CSMD3: variants seen among roughly 807,000 people sequenced by gnomAD.
CSMD3 encodes the protein CUB and sushi domain-containing protein 3.
CSMD3 carries 177 observed loss-of-function variants against 435.2 expected under a neutral mutation model. That is an observed-to-expected ratio of 0.41 (90% CI 0.36 to 0.46). The LOEUF is 0.46. Among genes scored for constraint, CSMD3 ranks in the 20% least tolerant of loss-of-function variants. The probability of loss-of-function intolerance (pLI) is 0.34; values close to 1 mark genes in which losing one functional copy is unlikely to be tolerated. For missense variants in CSMD3, 4,265 were observed against 4,504.6 expected (o/e 0.95, Z 1.52); for synonymous variants, 1,656 against 1,520.5 (o/e 1.09, Z -2.07).
chr8:113,275,360 A>C (rs1211068649), intron 3 of CSMD3, among the ~76,000 whole-genome samples: 1 of 152,114 alleles, frequency 6.6e-6, no homozygotes, highest in Non-Finnish European at 1.5e-5. Flanking sequence ...AGAGAAAGAT[A>C]GAATTTACAA....
intron 32 of CSMD3, among the ~76,000 whole-genome samples, chr8:112,465,239 G>A (rs922917252): frequency 1.3e-5 from 2 of 152,102 alleles, no homozygotes; most frequent in African/African-American, 2.4e-5. Flanking sequence ...TCATTCTGTC[G>A]TCTCACATAT....
chr8:112,531,680 T>C (rs549363613), intron 27 of CSMD3, among the ~76,000 whole-genome samples: 1 of 152,240 alleles, frequency 6.6e-6, no homozygotes, highest in East Asian at 1.9e-4. Context: ...ACAGCTGCAG[T>C]GACTACAAGC....
chr8:112,800,347 T>C, intron 12 of CSMD3, 73 bp from the exon 13 acceptor site: 2 of 990,386 alleles, frequency 2.0e-6, no homozygotes, highest in South Asian at 1.3e-5. Context: ...ATAAGACAGA[T>C]GTGTTTCTCA....
intron 28 of CSMD3, among the ~76,000 whole-genome samples, chr8:112,507,878 C>G (rs756438282): frequency 6.6e-6 from 1 of 152,060 alleles, no homozygotes; most frequent in Non-Finnish European, 1.5e-5. Flanking sequence ...AGAAAATTGT[C>G]TCAGCTCTTA....
chr8:113,188,686 A>C (rs1239030025), intron 3 of CSMD3, among the ~76,000 whole-genome samples: 1 of 151,998 alleles, frequency 6.6e-6, no homozygotes, highest in Non-Finnish European at 1.5e-5. Context: ...GCCTTGTTGC[A>C]GCTGACCTTA....
At position 112,234,470 on chromosome 8, in the gene CSMD3, A is replaced by G; in HGVS notation, c.10635T>C (p.Tyr3545=). The change falls in exon 68 of 71, where the codon TAT becomes TAC. Residue 3545 remains tyrosine, a synonymous_variant. Transcript: ENST00000297405. ...SNMELLLSGV[Y]KSQEARLMLR... ...ACATTAGGCGAGCTTCCTGGCTTTT[A>G]TATACCCCTGTAAAATGCAAGGACA... 1 of 1,586,806 alleles carries G rather than the reference A, an allele frequency of 6.3e-7. No individual in the cohort carries two copies. The highest frequency in any genetic ancestry group is 8.7e-7 in the Non-Finnish European group (1 of 1,155,482).
chr8:112,902,021 T>C (rs1045384349), intron 10 of CSMD3, among the ~76,000 whole-genome samples: 2 of 151,334 alleles, frequency 1.3e-5, no homozygotes, highest in African/African-American at 4.8e-5. Context: ...GCCCATATAA[T>C]GTCAAAGAAA....
At chr8:112,472,324 A>G (rs1818599515) in intron 32 of CSMD3, among the ~76,000 whole-genome samples, 1 of 152,124 alleles carries the variant, frequency 6.6e-6, no homozygotes, top group African/African-American at 2.4e-5. Flanking sequence ...GGCACTTGCA[A>G]GGTTACTGAT....
intron 16 of CSMD3, among the ~76,000 whole-genome samples, chr8:112,680,811 G>A (rs1672391024): frequency 6.6e-6 from 1 of 152,016 alleles, no homozygotes; most frequent in Admixed American, 6.6e-5. Flanking sequence ...TCAATATATA[G>A]GTAATGCTTC....
At chr8:112,453,487 A>C (rs1039520889) in intron 32 of CSMD3, among the ~76,000 whole-genome samples, 1 of 152,170 alleles carries the variant, frequency 6.6e-6, no homozygotes, top group Non-Finnish European at 1.5e-5. Context: ...GCTGAGAGCC[A>C]AATCAAGAAT....
chr8:112,510,127 C>A (rs1267872433), intron 28 of CSMD3, among the ~76,000 whole-genome samples: 1 of 152,134 alleles, frequency 6.6e-6, no homozygotes, highest in Non-Finnish European at 1.5e-5. Flanking sequence ...CTATTTTCAA[C>A]CGGTCCTTCT....
In CSMD3 at chr8:112,384,936, G is replaced by T. The variant is rs1456207642; in HGVS notation, c.5935-1273C>A. On this transcript the variant is annotated intron_variant, in intron 36 of 70. Coordinates refer to ENST00000297405, the MANE Select transcript of CSMD3 (RefSeq NM_198123.2). ...TTTAAAAAATGTGAAGATTCACGCA[G>T]GAGTTGACATTTGGGCTAAGCTGAA... is the stretch of plus-strand genomic sequence containing the variant. Among the ~76,000 whole-genome samples, 3 of 152,174 alleles carry T rather than the reference G, an allele frequency of 2.0e-5. No individual in the cohort carries two copies. In the East Asian group the frequency reaches 5.8e-4, roughly 29 times the overall value.
intron 23 of CSMD3, among the ~76,000 whole-genome samples, chr8:112,576,525 T>C (rs998637739): frequency 5.3e-5 from 8 of 152,014 alleles, no homozygotes; most frequent in Admixed American, 2.6e-4. Context: ...TTTTTCCTTT[T>C]GTTTTCTTTT....
At chr8:113,225,340 G>A (rs1169848180) in intron 3 of CSMD3, among the ~76,000 whole-genome samples, 1 of 151,406 alleles carries the variant, frequency 6.6e-6, no homozygotes, top group Non-Finnish European at 1.5e-5. Flanking sequence ...TTGTCCACTA[G>A]TGTTACCTTT....
At chr8:113,167,558 T>C (rs1301745918) in intron 4 of CSMD3, among the ~76,000 whole-genome samples, 1 of 152,196 alleles carries the variant, frequency 6.6e-6, no homozygotes, top group East Asian at 1.9e-4. Flanking sequence ...AACACAAATG[T>C]ACTTTTCAAA....
chr8:112,277,012 C>T (rs560516785), intron 59 of CSMD3, among the ~76,000 whole-genome samples: 66 of 152,210 alleles, frequency 4.3e-4, no homozygotes, highest in African/African-American at 1.5e-3. Flanking sequence ...ATGGGAGGAG[C>T]TGCCACAGAC....
In CSMD3 at chr8:112,782,461, G is replaced by A. The variant is rs1015268053; in HGVS notation, c.1972+17701C>T. ...AAAGATCTACAAAATAGCCTCAAATGGGAAAATCTAAGAGTTATTGCCTTT... is the reference window on the plus strand; with the variant it reads ...AAAGATCTACAAAATAGCCTCAAATAGGAAAATCTAAGAGTTATTGCCTTT... On this transcript the variant is annotated intron_variant, in intron 13 of 70. Transcript: ENST00000297405. 2.0e-5 allele frequency among the ~76,000 whole-genome samples: 3 copies of A among 152,094 alleles called. No homozygotes were observed. The South Asian group carries it at 6.2e-4, about 32-fold the overall frequency.
At chr8:113,436,597 A>G in intron 1 of CSMD3, 80 bp downstream of exon 1, 1 of 1,300,100 alleles carries the variant, frequency 7.7e-7, no homozygotes, top group Non-Finnish European at 1.1e-6. Context: ...GCAAATTGCA[A>G]AGTAAGCTGC....
chr8:112,697,559 A>T (rs2076286335), intron 13 of CSMD3, among the ~76,000 whole-genome samples: 1 of 140,178 alleles, frequency 7.1e-6, no homozygotes, highest in Non-Finnish European at 1.5e-5. Context: ...GGACACAGGA[A>T]GGGGAACATC....
Sources: allele counts gnomAD v4.1 joint callset (sites outside exome capture counted in the v4.1 genomes callset), GRCh38; gene constraint gnomAD v4.1.1; transcripts MANE v1.5; gene names NCBI Gene and HGNC (gene_info 2026-07-23, HGNC 2026-07-21).